The following SLC16A10 variants were observed in gnomAD, a reference collection of about 807,000 sequenced individuals.
SLC16A10 encodes the protein solute carrier family 16 member 10.
A neutral mutation model predicts 40.0 loss-of-function variants in SLC16A10; 27 were observed. That is an observed-to-expected ratio of 0.67 (90% CI 0.50 to 0.93). The LOEUF (loss-of-function observed/expected upper bound fraction) is 0.93. SLC16A10 is among the 40% of genes least tolerant of loss of function. The pLI, the probability that SLC16A10 is intolerant of heterozygous loss-of-function variation, is 0.00. For missense variants in SLC16A10, 529 were observed against 658.2 expected, an observed-to-expected ratio of 0.80 and a Z score of 2.15; for synonymous variants, 213 against 249.8, an observed-to-expected ratio of 0.85 and a Z score of 1.39.
In SLC16A10 at chr6:111,100,630, G is replaced by A. The variant is rs139109088; in HGVS notation, c.343+12535G>A. 4.1e-3 allele frequency among the ~76,000 whole-genome samples: 620 copies of A among 152,044 alleles called. 3 individuals are homozygous for A. Among genetic ancestry groups the A allele is most frequent in the Non-Finnish European group, 6.9e-3 (469 of 67,970 alleles). ...TCTCGATATCTTGACTTCGTGATCC[G>A]CCTCGGCCTACCAAAGTGCTGTGAT... On this transcript the variant is annotated intron_variant, in intron 1 of 5. Coordinates refer to ENST00000368851, the MANE Select transcript of SLC16A10 (RefSeq NM_018593.5).
intron 1 of SLC16A10, among the ~76,000 whole-genome samples, chr6:111,136,232 G>T (rs1771875197): frequency 6.6e-6 from 1 of 152,206 alleles, no homozygotes. Flanking sequence ...AGCGGGGCAA[G>T]ACTTTTCTTT....
At chr6:111,195,398 G>A (rs751019926) in intron 3 of SLC16A10, among the ~76,000 whole-genome samples, 5 of 152,092 alleles carry the variant, frequency 3.3e-5, no homozygotes, top group African/African-American at 4.8e-5. Context: ...GTTATTTAAT[G>A]GGCACAGAGT....
intron 1 of SLC16A10, among the ~76,000 whole-genome samples, chr6:111,170,249 A>T (rs1288052941): frequency 4.6e-5 from 7 of 151,958 alleles, no homozygotes; most frequent in African/African-American, 1.7e-4. Context: ...CTTCACTCAT[A>T]TAAGCAGTAT....
In SLC16A10 at chr6:111,229,990, C is replaced by CTTTTTTTTTTTTTTGTTTT. The variant is rs1771078904; in HGVS notation, c.*7769_*7770insGTTTTTTTTTTTTTTTTTT. On this transcript the variant is annotated 3_prime_UTR_variant, in exon 6 of 6. Transcript: ENST00000368851. The stretch of plus-strand genomic sequence containing the variant: ...CAGGTTTCTTTTTCTTTCTTTGTTT[C>CTTTTTTTTTTTTTTGTTTT]TTTTTTTTTTTTTTTTTTGAGATGG... The CTTTTTTTTTTTTTTGTTTT allele has an allele frequency of 1.2e-5, 1 of 85,382 alleles. No homozygotes were observed. The highest frequency in any genetic ancestry group is 2.0e-5 in the Non-Finnish European group (1 of 49,718). The allele number at this position is 85,382 out of a possible 1,614,324, so 5.3% of individuals were successfully genotyped here.
At chr6:111,155,197 CTTTTTT>C (rs33948560) in intron 1 of SLC16A10, among the ~76,000 whole-genome samples, 1 of 119,188 alleles carries the variant, frequency 8.4e-6, no homozygotes, top group Non-Finnish European at 1.8e-5. Context: ...TTCAACAGGA[CTTTTTT>C]TTTTTTTTTT....
intron 1 of SLC16A10, among the ~76,000 whole-genome samples, chr6:111,089,619 T>TAA (rs745477500): frequency 9.2e-5 from 14 of 152,194 alleles, no homozygotes; most frequent in Non-Finnish European, 2.1e-4. Flanking sequence ...AACATATCCT[T>TAA]ACCATTTAAG....
At chr6:111,196,668 T>C (rs1161427664) in intron 3 of SLC16A10, among the ~76,000 whole-genome samples, 1 of 152,266 alleles carries the variant, frequency 6.6e-6, no homozygotes, top group East Asian at 1.9e-4. Flanking sequence ...CAGGAGACTA[T>C]ACTTTCAGGG....
chr6:111,176,323 T>G (rs536566017), intron 2 of SLC16A10, among the ~76,000 whole-genome samples: 1 of 152,244 alleles, frequency 6.6e-6, no homozygotes, highest in Non-Finnish European at 1.5e-5. Context: ...AATCTTACTT[T>G]CTAACAAATT....
At chr6:111,099,214 G>A (rs951369368) in intron 1 of SLC16A10, among the ~76,000 whole-genome samples, 2 of 152,140 alleles carry the variant, frequency 1.3e-5, no homozygotes, top group East Asian at 3.9e-4. Context: ...GAGCTGGTGA[G>A]GCATAAAGAA....
chr6:111,156,610 C>A (rs1197241240), intron 1 of SLC16A10, among the ~76,000 whole-genome samples: 3 of 152,042 alleles, frequency 2.0e-5, no homozygotes, highest in African/African-American at 7.2e-5. Context: ...TCATCTGAAA[C>A]AAGAAAAGTC....
chr6:111,091,496 T>A (rs1333197860), intron 1 of SLC16A10, among the ~76,000 whole-genome samples: 2 of 152,226 alleles, frequency 1.3e-5, no homozygotes, highest in African/African-American at 4.8e-5. Context: ...GGTCCTACTT[T>A]GTGGTGAATA....
At position 111,087,935 on chromosome 6, in the gene SLC16A10, C is replaced by G. The variant is rs1412023203; in HGVS notation, c.183C>G (p.Pro61=). 1 of 1,606,208 alleles carries G rather than the reference C, an allele frequency of 6.2e-7. No homozygotes were observed. Among genetic ancestry groups the G allele is most frequent in the East Asian group, 2.3e-5 (1 of 44,370 alleles). The stretch of plus-strand genomic sequence containing the variant: ...CGGCGACCGCGGAGCCCCATGAGCC[C>G]CCCGAACCCCCCGAGGGCGGCTGGG... ...AGPATAEPHE[P]PEPPEGGWGW... Residue 61 remains proline (P), a synonymous_variant, in exon 1 of 6, where the codon CCC becomes CCG. Coordinates refer to ENST00000368851, the MANE Select transcript of SLC16A10 (RefSeq NM_018593.5).
At chr6:111,157,203 G>C (rs936035490) in intron 1 of SLC16A10, among the ~76,000 whole-genome samples, 1 of 152,206 alleles carries the variant, frequency 6.6e-6, no homozygotes, top group Admixed American at 6.5e-5. Context: ...ACAGGCGTGA[G>C]CCACCGCGCC....
intron 1 of SLC16A10, among the ~76,000 whole-genome samples, chr6:111,142,032 CTTCAATATCATT>C (rs1417852965): frequency 1.6e-3 from 248 of 152,036 alleles, no homozygotes; most frequent in African/African-American, 5.6e-3. Flanking sequence ...TCTACTTCTT[CTTCAATATCATT>C]TTCTTCAATA....
At chr6:111,165,063 A>G (rs1450875107) in intron 1 of SLC16A10, among the ~76,000 whole-genome samples, 1 of 152,190 alleles carries the variant, frequency 6.6e-6, no homozygotes, top group African/African-American at 2.4e-5. Flanking sequence ...ACACAGACAG[A>G]GGATCCAGTA....
intron 4 of SLC16A10, among the ~76,000 whole-genome samples, chr6:111,218,584 CA>C (rs1486143570): frequency 6.6e-6 from 1 of 151,962 alleles, no homozygotes; most frequent in African/African-American, 2.4e-5. Context: ...AGCTCAAAAA[CA>C]ATACGTTTTT....
At chr6:111,192,587 C>T (rs1313036154) in intron 3 of SLC16A10, among the ~76,000 whole-genome samples, 1 of 152,120 alleles carries the variant, frequency 6.6e-6, no homozygotes, top group Non-Finnish European at 1.5e-5. Flanking sequence ...CTACCCAGTA[C>T]CAATTTACTG....
intron 3 of SLC16A10, chr6:111,193,350 A>T: frequency 1.0e-6 from 1 of 985,092 alleles, no homozygotes; most frequent in Non-Finnish European, 1.2e-6. Context: ...CCCATTTATC[A>T]GTTTTGTGCC....
intron 1 of SLC16A10, among the ~76,000 whole-genome samples, chr6:111,089,403 A>G (rs1415680616): frequency 4.6e-5 from 7 of 152,132 alleles, no homozygotes; most frequent in Non-Finnish European, 5.9e-5. Flanking sequence ...ACTATATTAT[A>G]CTCTATGCAT....
Sources: allele counts gnomAD v4.1 joint callset (sites outside exome capture counted in the v4.1 genomes callset), GRCh38; gene constraint gnomAD v4.1.1; transcripts MANE v1.5; gene names NCBI Gene and HGNC (gene_info 2026-07-23, HGNC 2026-07-21).